Variants in CNTN4 observed in about 807,000 individuals in gnomAD.
The protein encoded by CNTN4 is contactin 4, also known as contactin-4.
CNTN4 carries 77 observed loss-of-function variants against 122.5 expected under a neutral mutation model. That is an observed-to-expected ratio of 0.63 (90% confidence interval 0.52 to 0.76). The LOEUF is 0.76. Among genes scored for constraint, CNTN4 ranks in the 30% least tolerant of loss-of-function variants. The probability of loss-of-function intolerance (pLI) is 0.00; values close to 1 mark genes in which losing one functional copy is unlikely to be tolerated. For synonymous variants in CNTN4, 512 were observed against 447.0 expected, an observed-to-expected ratio of 1.15 and a Z score of -1.83; for missense variants, 1,256 against 1,259.1, an observed-to-expected ratio of 1.00 and a Z score of 0.04.
chr3:2,484,746 G>A lies in CNTN4; in HGVS notation c.-88-86670G>A, dbSNP rs73806657. Among the ~76,000 whole-genome samples the A allele has an allele frequency of 8.0e-3, 1,222 of 152,300 alleles. 18 individuals are homozygous for A. The highest frequency in any genetic ancestry group is 0.027 in the African/African-American group (1,115 of 41,572). ...CCTGAGCCTATTGAGAGGTGACAGCGTGCTGGCAGCCCTCACAGCCCTTGC... is the reference window on the plus strand; with the variant it reads ...CCTGAGCCTATTGAGAGGTGACAGCATGCTGGCAGCCCTCACAGCCCTTGC... On this transcript the variant is annotated intron_variant, in intron 3 of 24. Transcript: ENST00000418658.
intron 24 of CNTN4, among the ~76,000 whole-genome samples, chr3:3,055,434 A>G (rs775997764): frequency 6.6e-6 from 1 of 152,228 alleles, no homozygotes; most frequent in Non-Finnish European, 1.5e-5. Flanking sequence ...TGAACCAAAC[A>G]TGATCTGTTT....
At chr3:2,890,021 A>G (rs1485980558) in intron 10 of CNTN4, among the ~76,000 whole-genome samples, 6 of 152,330 alleles carry the variant, frequency 3.9e-5, no homozygotes, top group Non-Finnish European at 8.8e-5. Flanking sequence ...CATGGGAAAA[A>G]GAGCAGAATA....
chr3:2,545,353 G>A (rs1263397410), intron 3 of CNTN4, among the ~76,000 whole-genome samples: 1 of 152,078 alleles, frequency 6.6e-6, no homozygotes, highest in African/African-American at 2.4e-5. Context: ...GGGTTGGAGA[G>A]TTCTGTAGAT....
chr3:2,479,128 A>C (rs961281745), intron 3 of CNTN4, among the ~76,000 whole-genome samples: 1 of 152,066 alleles, frequency 6.6e-6, no homozygotes, highest in African/African-American at 2.4e-5. Context: ...CAACCATTTC[A>C]ATAATATTTG....
intron 2 of CNTN4, among the ~76,000 whole-genome samples, chr3:2,244,076 G>C (rs1293114828): frequency 6.6e-6 from 1 of 152,028 alleles, no homozygotes; most frequent in Non-Finnish European, 1.5e-5. Flanking sequence ...GATGCCTGCA[G>C]ATGGTACTGA....
At chr3:2,816,468 A>G (rs1447801608) in intron 6 of CNTN4, among the ~76,000 whole-genome samples, 1 of 152,036 alleles carries the variant, frequency 6.6e-6, no homozygotes, top group Non-Finnish European at 1.5e-5. Context: ...GACTACAAAT[A>G]TAGTGCAGTG....
chr3:2,205,094 A>T (rs890101284), intron 2 of CNTN4, among the ~76,000 whole-genome samples: 4 of 152,046 alleles, frequency 2.6e-5, no homozygotes, highest in Middle Eastern at 3.4e-3. Context: ...GAGGTCATGT[A>T]AACACCAATT....
intron 6 of CNTN4, among the ~76,000 whole-genome samples, chr3:2,803,269 A>G (rs1298183072): frequency 6.6e-6 from 1 of 152,220 alleles, no homozygotes; most frequent in Non-Finnish European, 1.5e-5. Context: ...ATAAACTAAA[A>G]TAGTAAGTAT....
intron 2 of CNTN4, among the ~76,000 whole-genome samples, chr3:2,187,522 C>T (rs556002407): frequency 1.1e-4 from 16 of 152,146 alleles, no homozygotes; most frequent in Non-Finnish European, 1.9e-4. Context: ...GCGTGATTCC[C>T]ATTCTTATTC....
intron 14 of CNTN4, among the ~76,000 whole-genome samples, chr3:3,024,329 G>A (rs115192932): frequency 1.3e-5 from 2 of 149,256 alleles, no homozygotes; most frequent in African/African-American, 5.0e-5. Context: ...GTCAAAATGG[G>A]GCTATTCCTT....
intron 2 of CNTN4, among the ~76,000 whole-genome samples, chr3:2,271,516 T>A (rs1453539101): frequency 6.6e-6 from 1 of 152,204 alleles, no homozygotes; most frequent in East Asian, 1.9e-4. Context: ...AGCACCTATA[T>A]CATAGGTTTA....
chr3:2,943,508 G>A lies in CNTN4; in HGVS notation c.1358+17729G>A, dbSNP rs142972645. Among the ~76,000 whole-genome samples, 10 of 150,636 alleles carry A rather than the reference G, an allele frequency of 6.6e-5. No individual in the cohort carries two copies. The East Asian group carries it at 1.2e-3, about 18-fold the overall frequency. On this transcript the variant is annotated intron_variant, in intron 13 of 24. Coordinates refer to ENST00000418658, the MANE Select transcript of CNTN4 (RefSeq NM_175607.3). ...CTTCGTTCTTGATTTAACATCCAGC[G>A]TTTCATGTTGATTAGTGAATACTTG...
At chr3:2,696,039 G>A (rs1255273384) in intron 4 of CNTN4, among the ~76,000 whole-genome samples, 5 of 152,168 alleles carry the variant, frequency 3.3e-5, no homozygotes, top group African/African-American at 1.2e-4. Context: ...ATGTGTATAT[G>A]TGTGTCTATC....
chr3:2,778,044 C>T (rs1406263977), intron 6 of CNTN4, among the ~76,000 whole-genome samples: 1 of 150,934 alleles, frequency 6.6e-6, no homozygotes, highest in African/African-American at 2.4e-5. Flanking sequence ...GAAACCCCGT[C>T]TCTACTAAAA....
chr3:2,241,870 T>C lies in CNTN4; in HGVS notation c.-144-97308T>C, dbSNP rs529627405. ...TTTTTCCTGAGTGTTGTGTTTGCGG[T>C]GGGTGGGCCAATTATTTCTGTTCCT... On this transcript the variant is annotated intron_variant, in intron 2 of 24. Coordinates refer to ENST00000418658, the MANE Select transcript of CNTN4 (RefSeq NM_175607.3). 9.9e-5 allele frequency among the ~76,000 whole-genome samples: 15 copies of C among 152,258 alleles called. No homozygotes were observed. The South Asian group carries it at 1.2e-3, about 13-fold the overall frequency.
intron 10 of CNTN4, among the ~76,000 whole-genome samples, chr3:2,893,940 A>G (rs1032450504): frequency 3.9e-5 from 6 of 152,200 alleles, no homozygotes; most frequent in Non-Finnish European, 2.9e-5. Context: ...TATGTGAGTT[A>G]TATCTACCCA....
intron 10 of CNTN4, among the ~76,000 whole-genome samples, chr3:2,900,158 G>T (rs1271695468): frequency 6.6e-6 from 1 of 152,146 alleles, no homozygotes; most frequent in African/African-American, 2.4e-5. Context: ...TCAATTGCTG[G>T]TCTTTTCCAA....
chr3:2,635,567 A>G (rs568912772), intron 4 of CNTN4, among the ~76,000 whole-genome samples: 1 of 152,258 alleles, frequency 6.6e-6, no homozygotes, highest in African/African-American at 2.4e-5. Context: ...TATTTTTGGA[A>G]GCTTTCACAA....
chr3:2,677,752 A>G (rs1576431732), intron 4 of CNTN4, among the ~76,000 whole-genome samples: 1 of 152,184 alleles, frequency 6.6e-6, no homozygotes, highest in Non-Finnish European at 1.5e-5. Flanking sequence ...AACTTTTAAA[A>G]TAGTTGATTC....
Sources: gnomAD v4.1 joint callset for allele counts (sites outside exome capture counted in the v4.1 genomes callset) on GRCh38, gnomAD v4.1.1 for gene constraint, MANE v1.5 for transcripts, NCBI Gene and HGNC (gene_info 2026-07-23, HGNC 2026-07-21) for gene names.